The following XKR9 variants were observed in gnomAD, a reference collection of about 807,000 sequenced individuals.
The protein encoded by XKR9 is XK-related protein 9.
XKR9 carries 32 observed loss-of-function variants against 32.0 expected under a neutral mutation model. The observed-to-expected ratio is 1.00, with a 90% CI of 0.76 to 1.34. The LOEUF is 1.34. XKR9 is among the 40% of genes most tolerant of loss of function. The pLI is 0.00. For synonymous variants in XKR9, 168 were observed against 143.4 expected (o/e 1.17, Z -1.22); for missense variants, 546 against 429.7 (o/e 1.27, Z -2.39).
chr8:70,888,583 C>T, the XKR9 span, among the ~76,000 whole-genome samples: 1 of 152,036 alleles, frequency 6.6e-6, no homozygotes, highest in Admixed American at 6.6e-5. Flanking sequence ...TTTATAGTTT[C>T]AGGTATTTCA....
the XKR9 span, among the ~76,000 whole-genome samples, chr8:70,944,554 C>T: frequency 6.6e-6 from 1 of 152,250 alleles, no homozygotes; most frequent in Non-Finnish European, 1.5e-5. Flanking sequence ...GGTCTCTGAT[C>T]CCCATGAGTC....
the XKR9 span, among the ~76,000 whole-genome samples, chr8:70,955,105 A>G: frequency 3.3e-5 from 5 of 152,228 alleles, no homozygotes; most frequent in African/African-American, 1.2e-4. Flanking sequence ...TTTCAATTCC[A>G]ACTTCACCCG....
the XKR9 span, among the ~76,000 whole-genome samples, chr8:70,923,497 C>T: frequency 6.6e-6 from 1 of 152,238 alleles, no homozygotes; most frequent in Non-Finnish European, 1.5e-5. Context: ...GTTGATGAAG[C>T]TCAAGCTTCA....
At chr8:70,931,346 A>G in the XKR9 span, among the ~76,000 whole-genome samples, 9,064 of 152,180 alleles carry the variant, frequency 0.06, 383 homozygotes, top group Non-Finnish European at 0.084. Flanking sequence ...GGATATGTCC[A>G]TCTATAGCTT....
At chr8:70,913,237 G>A in the XKR9 span, among the ~76,000 whole-genome samples, 1 of 152,118 alleles carries the variant, frequency 6.6e-6, no homozygotes, top group Non-Finnish European at 1.5e-5. Flanking sequence ...TCAATTGAGA[G>A]CCACTAGTCT....
chr8:70,843,620 G>T, the XKR9 span, among the ~76,000 whole-genome samples: 19,770 of 152,134 alleles, frequency 0.13, 1,687 homozygotes, highest in African/African-American at 0.24. Context: ...GCAAAGCAAA[G>T]ATTGGATGGG....
At chr8:70,901,975 G>A in the XKR9 span, among the ~76,000 whole-genome samples, 2 of 152,090 alleles carry the variant, frequency 1.3e-5, no homozygotes, top group Non-Finnish European at 2.9e-5. Context: ...CTGTAGATGT[G>A]GGGTATTATT....
chr8:71,047,380 G>C, the XKR9 span, among the ~76,000 whole-genome samples: 1 of 152,106 alleles, frequency 6.6e-6, no homozygotes, highest in Non-Finnish European at 1.5e-5. Context: ...CAGAGTAAAG[G>C]GTTCATCAAA....
At chr8:71,003,908 G>A in the XKR9 span, among the ~76,000 whole-genome samples, 1 of 152,152 alleles carries the variant, frequency 6.6e-6, no homozygotes, top group Non-Finnish European at 1.5e-5. Context: ...AAAACCTCAT[G>A]GGAACTCAGA....
chr8:71,053,041 A>C, the XKR9 span, among the ~76,000 whole-genome samples: 2 of 152,248 alleles, frequency 1.3e-5, no homozygotes, highest in South Asian at 4.1e-4. Flanking sequence ...TTTAACTTTA[A>C]TCACAAAGGT....
chr8:70,956,868 G>A, the XKR9 span, among the ~76,000 whole-genome samples: 1 of 152,182 alleles, frequency 6.6e-6, no homozygotes, highest in Non-Finnish European at 1.5e-5. Context: ...GGGGCTTCTA[G>A]GGCCCCTGAG....
chr8:70,736,307 A>G (rs1806861765), downstream of XKR9, among the ~76,000 whole-genome samples: 1 of 130,238 alleles, frequency 7.7e-6, no homozygotes, highest in Non-Finnish European at 1.8e-5. Flanking sequence ...CCACTTTTTG[A>G]TGGGGTTGTT....
At chr8:70,714,071 G>T (rs1189124460) in intron 4 of XKR9, among the ~76,000 whole-genome samples, 3 of 152,092 alleles carry the variant, frequency 2.0e-5, no homozygotes, top group Non-Finnish European at 4.4e-5. Context: ...ACATAATGGT[G>T]GGTGGGGATG....
the XKR9 span, among the ~76,000 whole-genome samples, chr8:70,894,342 A>G: frequency 6.6e-6 from 1 of 152,030 alleles, no homozygotes; most frequent in Non-Finnish European, 1.5e-5. Flanking sequence ...CTTCCCAAGT[A>G]GAGGGATGTG....
At chr8:70,981,315 T>C in the XKR9 span, among the ~76,000 whole-genome samples, 17 of 152,336 alleles carry the variant, frequency 1.1e-4, no homozygotes, top group East Asian at 3.1e-3. Context: ...CCCAAACTTC[T>C]TGGAGGCTTT....
the XKR9 span, among the ~76,000 whole-genome samples, chr8:70,891,609 T>G: frequency 3.3e-5 from 5 of 152,068 alleles, no homozygotes; most frequent in South Asian, 1.0e-3. Flanking sequence ...AAAGTTCTCT[T>G]GTTATTATTT....
the XKR9 span, among the ~76,000 whole-genome samples, chr8:71,053,752 C>G: frequency 9.4e-4 from 143 of 152,330 alleles, no homozygotes; most frequent in African/African-American, 3.3e-3. Flanking sequence ...TTCTCCACTC[C>G]TTTGAACTTG....
intron 3 of XKR9, among the ~76,000 whole-genome samples, chr8:70,687,312 C>CTCTCTCTTTCTTTCTT (rs1554544428): frequency 7.2e-6 from 1 of 138,252 alleles, no homozygotes; most frequent in East Asian, 2.2e-4. Flanking sequence ...TCTCTCCTCC[C>CTCTCTCTTTCTTTCTT]TCTTTCTTTC....
At chr8:70,769,884 A>G (rs1807429769) in intron 2 of XKR9, among the ~76,000 whole-genome samples, 1 of 152,014 alleles carries the variant, frequency 6.6e-6, no homozygotes, top group African/African-American at 2.4e-5. Flanking sequence ...GGGTTAGAAC[A>G]TGCTTCTTTA....
Sources: allele counts gnomAD v4.1 joint callset (sites outside exome capture counted in the v4.1 genomes callset), GRCh38; gene constraint gnomAD v4.1.1; transcripts MANE v1.5; gene names NCBI Gene and HGNC (gene_info 2026-07-23, HGNC 2026-07-21).